ENTREP2: variants seen among roughly 807,000 people sequenced by gnomAD.
ENTREP2 encodes endosomal transmembrane epsin interactor 2.
At chr15:29,536,565 C>T in the ENTREP2 span, among the ~76,000 whole-genome samples, 1 of 148,988 alleles carries the variant, frequency 6.7e-6, no homozygotes, top group Non-Finnish European at 1.5e-5. Context: ...GATAGTGCCA[C>T]TGCACTCCAG....
At chr15:29,355,853 G>C in the ENTREP2 span, among the ~76,000 whole-genome samples, 1 of 152,180 alleles carries the variant, frequency 6.6e-6, no homozygotes, top group Non-Finnish European at 1.5e-5. Context: ...GAGTGGAATG[G>C]CTGAGCTAAA....
the ENTREP2 span, among the ~76,000 whole-genome samples, chr15:29,355,081 C>A: frequency 6.6e-6 from 1 of 152,166 alleles, no homozygotes; most frequent in South Asian, 2.1e-4. Flanking sequence ...CATTCTCTCA[C>A]CAAAGGCCAC....
At chr15:29,474,648 G>A in the ENTREP2 span, among the ~76,000 whole-genome samples, 15 of 151,868 alleles carry the variant, frequency 9.9e-5, no homozygotes, top group African/African-American at 1.5e-4. Flanking sequence ...TCCGCCTCCC[G>A]GGTTCAAGTG....
the ENTREP2 span, among the ~76,000 whole-genome samples, chr15:29,277,721 G>A: frequency 6.6e-6 from 1 of 152,280 alleles, no homozygotes; most frequent in South Asian, 2.1e-4. Flanking sequence ...CTGCCTTAAA[G>A]CATCTCCTAC....
chr15:29,630,553 T>G, the ENTREP2 span, among the ~76,000 whole-genome samples: 2 of 152,220 alleles, frequency 1.3e-5, no homozygotes, highest in African/African-American at 2.4e-5. Context: ...CATTATTTCT[T>G]CTGGCGCCTT....
At chr15:29,632,826 T>C in the ENTREP2 span, among the ~76,000 whole-genome samples, 1 of 152,190 alleles carries the variant, frequency 6.6e-6, no homozygotes, top group Non-Finnish European at 1.5e-5. Context: ...GGATCCTCCC[T>C]CTGCTGCCTC....
chr15:29,430,883 G>A, the ENTREP2 span, among the ~76,000 whole-genome samples: 6 of 152,306 alleles, frequency 3.9e-5, no homozygotes, highest in Admixed American at 3.9e-4. Context: ...AACTGTGCTA[G>A]AGATCCTCAT....
the ENTREP2 span, among the ~76,000 whole-genome samples, chr15:29,646,063 T>C: frequency 6.6e-6 from 1 of 152,178 alleles, no homozygotes; most frequent in Non-Finnish European, 1.5e-5. Context: ...CCAGTTGTAG[T>C]CAACAGAGCT....
At chr15:29,631,707 C>G in the ENTREP2 span, among the ~76,000 whole-genome samples, 1 of 152,234 alleles carries the variant, frequency 6.6e-6, no homozygotes, top group Non-Finnish European at 1.5e-5. Flanking sequence ...GATCCTCTTC[C>G]CCATGTCTAG....
the ENTREP2 span, among the ~76,000 whole-genome samples, chr15:29,573,170 C>T: frequency 3.3e-5 from 5 of 152,056 alleles, no homozygotes; most frequent in East Asian, 5.8e-4. Flanking sequence ...AAGAAAGGTA[C>T]GGAAAGAGAG....
At chr15:29,273,626 T>G in the ENTREP2 span, among the ~76,000 whole-genome samples, 17 of 152,182 alleles carry the variant, frequency 1.1e-4, no homozygotes, top group African/African-American at 4.1e-4. Context: ...TTTCAGTAAG[T>G]GGACTAGGAG....
At chr15:29,464,041 C>A in the ENTREP2 span, among the ~76,000 whole-genome samples, 2 of 151,958 alleles carry the variant, frequency 1.3e-5, no homozygotes, top group Non-Finnish European at 2.9e-5. Flanking sequence ...AATAGGGGTT[C>A]CAGGGGCCGG....
the ENTREP2 span, chr15:29,234,669 A>G: frequency 1.5e-4 from 228 of 1,565,746 alleles, no homozygotes; most frequent in Middle Eastern, 1.8e-4. Flanking sequence ...CAAGAGAGAA[A>G]AGTGTAAGGG....
At chr15:29,670,284 G>A in the ENTREP2 span, among the ~76,000 whole-genome samples, 1 of 152,148 alleles carries the variant, frequency 6.6e-6, no homozygotes, top group Non-Finnish European at 1.5e-5. Context: ...CCCAAACAGG[G>A]TTCCAGAGGC....
the ENTREP2 span, among the ~76,000 whole-genome samples, chr15:29,385,044 G>A: frequency 8.3e-4 from 127 of 152,232 alleles, 3 homozygotes; most frequent in South Asian, 0.024. Flanking sequence ...GAAGAGCCTA[G>A]GAATTCAAGA....
the ENTREP2 span, among the ~76,000 whole-genome samples, chr15:29,503,180 A>G: frequency 6.6e-6 from 1 of 152,302 alleles, no homozygotes; most frequent in South Asian, 2.1e-4. Flanking sequence ...ATAGTCTAAA[A>G]GTGGAAAGAA....
the ENTREP2 span, among the ~76,000 whole-genome samples, chr15:29,345,914 G>A: frequency 2.0e-5 from 3 of 152,138 alleles, no homozygotes; most frequent in Admixed American, 1.3e-4. Flanking sequence ...TTTATTACCT[G>A]CCAGACACCA....
the ENTREP2 span, among the ~76,000 whole-genome samples, chr15:29,318,440 C>A: frequency 1.3e-5 from 2 of 152,120 alleles, no homozygotes; most frequent in Non-Finnish European, 2.9e-5. Context: ...CCTGCCTCAG[C>A]CTCCCGAGTA....
chr15:29,369,735 C>A, the ENTREP2 span, among the ~76,000 whole-genome samples: 1 of 152,162 alleles, frequency 6.6e-6, no homozygotes, highest in Admixed American at 6.5e-5. Flanking sequence ...TTGTCCCAGT[C>A]AAAACTCAGG....
Sources: gnomAD v4.1 joint callset for allele counts (sites outside exome capture counted in the v4.1 genomes callset) on GRCh38, gnomAD v4.1.1 for gene constraint, MANE v1.5 for transcripts, NCBI Gene and HGNC (gene_info 2026-07-23, HGNC 2026-07-21) for gene names.